Variants in TUBGCP5 observed in about 807,000 individuals in gnomAD.
The protein encoded by TUBGCP5 is gamma-tubulin complex component 5.
In TUBGCP5, 98 loss-of-function variants were observed where a neutral mutation model predicts 134.7. That is an observed-to-expected ratio of 0.73 (90% CI 0.62 to 0.86). TUBGCP5 has a LOEUF of 0.86. Ranked by LOEUF, TUBGCP5 falls within the 40% of genes least tolerant of loss-of-function variation. The pLI is 0.00. For synonymous variants in TUBGCP5, 456 were observed against 431.4 expected, an observed-to-expected ratio of 1.06 and a Z score of -0.71; for missense variants, 1,150 against 1,244.8, an observed-to-expected ratio of 0.92 and a Z score of 1.15.
chr15:22,988,535 C>T (rs1168315911), intron 23 of TUBGCP5, among the ~76,000 whole-genome samples: 2 of 151,498 alleles, frequency 1.3e-5, no homozygotes, highest in South Asian at 2.1e-4. Flanking sequence ...AGATCGAGAC[C>T]ATCCTGGCTA....
At chr15:23,007,317 G>A (rs1332663168) in intron 16 of TUBGCP5, among the ~76,000 whole-genome samples, 1 of 152,148 alleles carries the variant, frequency 6.6e-6, no homozygotes, top group African/African-American at 2.4e-5. Flanking sequence ...ATGAACCCGG[G>A]AGGCGGAGCT....
intron 23 of TUBGCP5, among the ~76,000 whole-genome samples, chr15:22,987,371 T>C (rs1007438975): frequency 6.6e-6 from 1 of 151,162 alleles, no homozygotes; most frequent in Non-Finnish European, 1.5e-5. Context: ...GTTACTGTCC[T>C]GTTTTTAGGT....
rs1179292835 is a variant in TUBGCP5 at position 23,008,790 on chromosome 15, T to C, written c.2236A>G (p.Ile746Val). ...TTCTGCCATGTTTCCTTTTCTCTTA[T>C]TTTATCAAAAATTGACGTGTAGAAG... is the stretch of plus-strand genomic sequence containing the variant. ...YDFYTSIFDK[I>V]REKETWQNVS... Residue 746 changes from isoleucine to valine, a missense_variant, in exon 16 of 23, where the codon ATA becomes GTA. Physicochemically the swap from Ile to Val is conservative, Grantham distance 29 (BLOSUM62 3). Around this residue, in one of 2 missense-constraint regions of TUBGCP5, gnomAD observed 697 missense variants for 850.1 expected, o/e 0.82. Transcript: ENST00000615383. The C allele has an allele frequency of 6.2e-7, 1 of 1,603,704 alleles. No homozygotes were observed. Among genetic ancestry groups the C allele is most frequent in the Non-Finnish European group, 8.5e-7 (1 of 1,177,738 alleles).
At chr15:22,988,545 A>T (rs1007036056) in intron 23 of TUBGCP5, among the ~76,000 whole-genome samples, 1 of 151,470 alleles carries the variant, frequency 6.6e-6, no homozygotes, top group Non-Finnish European at 1.5e-5. Context: ...CATCCTGGCT[A>T]ACACAGTGAA....
chr15:23,031,045 T>G (rs373317190), intron 5 of TUBGCP5, 25 bp from the exon 6 acceptor site: 1 of 1,600,858 alleles, frequency 6.2e-7, no homozygotes, highest in East Asian at 2.2e-5. Flanking sequence ...AGATACACTT[T>G]AGCTTTACAG....
chr15:23,025,005 G>A (rs1265730674), intron 8 of TUBGCP5, among the ~76,000 whole-genome samples, 175 bp from the exon 9 acceptor site: 1 of 151,874 alleles, frequency 6.6e-6, no homozygotes, highest in Non-Finnish European at 1.5e-5. Context: ...GGGTTCAAGT[G>A]ATTCTGCAGC....
chr15:22,989,621 T>TCCCACCTGGCCTCCC (rs1245001764), intron 23 of TUBGCP5, among the ~76,000 whole-genome samples: 16 of 152,168 alleles, frequency 1.1e-4, no homozygotes, highest in Non-Finnish European at 1.9e-4. Flanking sequence ...CCAGGGATCC[T>TCCCACCTGGCCTCCC]CCCACCTGGC....
chr15:23,005,157 C>T (rs2064628078), intron 19 of TUBGCP5, among the ~76,000 whole-genome samples: 2 of 152,118 alleles, frequency 1.3e-5, no homozygotes, highest in East Asian at 3.8e-4. Flanking sequence ...GACTATGCGG[C>T]ACATTCTGAA....
At chr15:23,031,333 G>A (rs1199965064) in intron 5 of TUBGCP5, among the ~76,000 whole-genome samples, 1 of 135,050 alleles carries the variant, frequency 7.4e-6, no homozygotes, top group East Asian at 2.1e-4. Context: ...TTTTTTTTTT[G>A]AGACAGAGTC....
intron 21 of TUBGCP5, among the ~76,000 whole-genome samples, chr15:23,002,052 AC>A (rs1224465832): frequency 8.1e-6 from 1 of 123,084 alleles, no homozygotes; most frequent in Non-Finnish European, 1.7e-5. Context: ...TATTTTTCTC[AC>A]ATTTATTTGT....
chr15:22,988,456 G>A (rs112478374), intron 23 of TUBGCP5, among the ~76,000 whole-genome samples: 11,217 of 151,736 alleles, frequency 0.074, 497 homozygotes, highest in Non-Finnish European at 0.099. Context: ...TTTTTTGGCC[G>A]GTTGCGGTGG....
At chr15:22,988,459 T>C (rs537100602) in intron 23 of TUBGCP5, among the ~76,000 whole-genome samples, 26 of 151,846 alleles carry the variant, frequency 1.7e-4, no homozygotes, top group Middle Eastern at 3.4e-3. Flanking sequence ...TTTGGCCGGT[T>C]GCGGTGGCTG....
At chr15:23,037,076 C>T (rs749689120) in intron 2 of TUBGCP5, 23 bp downstream of exon 2, 16 of 1,606,564 alleles carry the variant, frequency 1.0e-5, no homozygotes, top group Non-Finnish European at 1.2e-5. Context: ...TTTCTGGATG[C>T]GTATATATAC....
chr15:23,036,843 A>G, intron 3 of TUBGCP5, 54 bp downstream of exon 3: 1 of 1,177,354 alleles, frequency 8.5e-7, no homozygotes. Context: ...ATTGACGATA[A>G]TCAGATAGGA....
chr15:22,988,556 AC>A (rs916524750), intron 23 of TUBGCP5, among the ~76,000 whole-genome samples: 24 of 151,128 alleles, frequency 1.6e-4, no homozygotes, highest in African/African-American at 5.4e-4. Context: ...ACACAGTGAA[AC>A]CCCGTCTCTA....
intron 13 of TUBGCP5, among the ~76,000 whole-genome samples, chr15:23,015,710 C>T (rs77164934): frequency 0.083 from 12,612 of 152,158 alleles, 630 homozygotes; most frequent in African/African-American, 0.13. Flanking sequence ...TTGCCACAAA[C>T]CCCCTCACTG....
At chr15:23,009,908 A>G in intron 15 of TUBGCP5, 37 bp downstream of exon 15, 1 of 1,576,522 alleles carries the variant, frequency 6.3e-7, no homozygotes, top group South Asian at 1.1e-5. Context: ...AGTACAATCA[A>G]CTATTTACTA....
chr15:23,019,329 G>A lies in TUBGCP5; in HGVS notation c.1377C>T (p.Ser459=), dbSNP rs1383245381. 1 of 1,611,400 alleles carries A rather than the reference G, an allele frequency of 6.2e-7. No individual in the cohort carries two copies. The highest frequency in any genetic ancestry group is 1.1e-5 in the South Asian group (1 of 90,716). The change falls in exon 12 of 23, where the codon TCC becomes TCT. Residue 459 remains serine (S), a synonymous_variant. Transcript: ENST00000615383. ...TTTCCACCCAGAGAGAGAAAAGGAG[G>A]GAGACCTGAGGCAGAGAGTGTGCAC... ...NVGEASEQTV[S]LLFSLWVETV... is the part of the protein sequence containing the mutation.
intron 23 of TUBGCP5, among the ~76,000 whole-genome samples, chr15:22,992,835 G>T (rs138043110): frequency 6.6e-6 from 1 of 152,074 alleles, no homozygotes; most frequent in Non-Finnish European, 1.5e-5. Context: ...CATAATAAAC[G>T]GGTGACCTAG....
Sources: allele counts gnomAD v4.1 joint callset (sites outside exome capture counted in the v4.1 genomes callset), GRCh38; gene constraint gnomAD v4.1.1; regional missense constraint gnomAD v4.1.1; transcripts MANE v1.5; gene names NCBI Gene and HGNC (gene_info 2026-07-23, HGNC 2026-07-21).